Variants in AHCYL2 observed in about 807,000 individuals in gnomAD.
AHCYL2 encodes S-adenosylhomocysteine hydrolase-like protein 2.
AHCYL2 carries 28 observed loss-of-function variants against 81.4 expected under a neutral mutation model. The observed-to-expected ratio is 0.34, with a 90% CI of 0.25 to 0.47. The LOEUF is 0.47. AHCYL2 is among the 20% of genes least tolerant of loss of function. The pLI, the probability that AHCYL2 is intolerant of heterozygous loss-of-function variation, is 1.00. For synonymous variants in AHCYL2, 272 were observed against 290.2 expected (o/e 0.94, Z 0.64); for missense variants, 551 against 785.1 (o/e 0.70, Z 3.56).
chr7:129,241,711 A>G (rs1794861957), intron 1 of AHCYL2, among the ~76,000 whole-genome samples: 1 of 152,206 alleles, frequency 6.6e-6, no homozygotes, highest in African/African-American at 2.4e-5. Context: ...TTTTTTAAAG[A>G]TGTAAAACAT....
intron 2 of AHCYL2, among the ~76,000 whole-genome samples, chr7:129,385,427 G>T (rs17168734): frequency 0.28 from 43,204 of 152,138 alleles, 7,574 homozygotes; most frequent in East Asian, 0.6. Flanking sequence ...GAGAGGTAAA[G>T]CTTAATCAGG....
At chr7:129,403,923 G>A (rs1204295604) in intron 7 of AHCYL2, among the ~76,000 whole-genome samples, 3 of 142,080 alleles carry the variant, frequency 2.1e-5, no homozygotes, top group African/African-American at 5.1e-5. Flanking sequence ...CCACATCTCA[G>A]CTTGCTATGA....
chr7:129,340,980 G>A (rs1793159189), intron 1 of AHCYL2, among the ~76,000 whole-genome samples: 1 of 152,046 alleles, frequency 6.6e-6, no homozygotes, highest in East Asian at 1.9e-4. Flanking sequence ...TTCCTTTGTT[G>A]TACTGCCCTT....
At chr7:129,358,046 GATGA>G (rs1447585223) in intron 1 of AHCYL2, among the ~76,000 whole-genome samples, 2 of 151,992 alleles carry the variant, frequency 1.3e-5, no homozygotes, top group African/African-American at 4.8e-5. Flanking sequence ...CCTATCGACA[GATGA>G]ATGGATAAAC....
At chr7:129,316,385 C>T (rs1428359660) in intron 1 of AHCYL2, among the ~76,000 whole-genome samples, 1 of 152,166 alleles carries the variant, frequency 6.6e-6, no homozygotes, top group African/African-American at 2.4e-5. Context: ...GACTACAGAA[C>T]TTTGTAAGAA....
intron 2 of AHCYL2, chr7:129,388,356 C>T (rs1306544124): frequency 6.6e-6 from 1 of 152,202 alleles, no homozygotes; most frequent in Non-Finnish European, 1.5e-5. Flanking sequence ...GCCTTTCACA[C>T]TCTAGTATAT....
chr7:129,363,415 A>T (rs1488176862), intron 1 of AHCYL2, among the ~76,000 whole-genome samples: 1 of 152,160 alleles, frequency 6.6e-6, no homozygotes, highest in East Asian at 1.9e-4. Context: ...CCATTTCAGA[A>T]TTGTTGCAGA....
At chr7:129,288,559 C>CG (rs1456694031) in intron 1 of AHCYL2, among the ~76,000 whole-genome samples, 2 of 151,010 alleles carry the variant, frequency 1.3e-5, no homozygotes, top group African/African-American at 4.9e-5. Context: ...AGGGTCTCAT[C>CG]ATATTGGCCA....
chr7:129,368,477 C>G lies in AHCYL2; in HGVS notation c.364-11161C>G. Reference sequence around the variant, plus strand: ...CTTTCCCTTTTGCTTCAGGACATATCTTACCCAAGCCTGCACTATGGAGAA... The same window carrying G: ...CTTTCCCTTTTGCTTCAGGACATATGTTACCCAAGCCTGCACTATGGAGAA... On this transcript the variant is annotated intron_variant, in intron 1 of 16. Coordinates refer to ENST00000325006, the MANE Select transcript of AHCYL2 (RefSeq NM_015328.4). This position sits in a 1 kb window ranked among gnomAD's most constrained non-coding sequence, Gnocchi z 4.4. 6.2e-7 allele frequency: 1 copy of G among 1,614,008 alleles called. No individual in the cohort carries two copies.
intron 1 of AHCYL2, among the ~76,000 whole-genome samples, chr7:129,242,975 G>T (rs77370843): frequency 6.9e-6 from 1 of 144,944 alleles, no homozygotes; most frequent in Non-Finnish European, 1.5e-5. Flanking sequence ...CCATTTTTCT[G>T]TTGGGATCCC....
chr7:129,309,675 T>C (rs933548663), intron 1 of AHCYL2, among the ~76,000 whole-genome samples: 1 of 152,258 alleles, frequency 6.6e-6, no homozygotes, highest in Admixed American at 6.5e-5. Context: ...AATTTTACAG[T>C]CTGCCTTCTC....
At chr7:129,349,356 G>A (rs559164397) in intron 1 of AHCYL2, among the ~76,000 whole-genome samples, 16 of 151,650 alleles carry the variant, frequency 1.1e-4, no homozygotes, top group African/African-American at 3.6e-4. Flanking sequence ...ATGTCAGGCC[G>A]GGCATGGTGG....
At chr7:129,226,111 A>G (rs1794206352) in intron 1 of AHCYL2, among the ~76,000 whole-genome samples, 1 of 152,256 alleles carries the variant, frequency 6.6e-6, no homozygotes, top group African/African-American at 2.4e-5. Context: ...CAGGATTATT[A>G]GGCTGTGTAT....
intron 1 of AHCYL2, among the ~76,000 whole-genome samples, chr7:129,296,900 T>C (rs1198411377): frequency 1.3e-5 from 2 of 152,344 alleles, no homozygotes; most frequent in East Asian, 3.9e-4. Context: ...AATACTCAAA[T>C]GGTTTCTGAA....
chr7:129,379,491 A>T, intron 1 of AHCYL2, 147 bp from the exon 2 acceptor site: 1 of 607,162 alleles, frequency 1.6e-6, no homozygotes, highest in Non-Finnish European at 2.9e-6. Context: ...AAGTATTCTT[A>T]TCTTCAAAGG....
intron 1 of AHCYL2, among the ~76,000 whole-genome samples, chr7:129,346,304 A>G (rs957384534): frequency 6.6e-5 from 10 of 152,294 alleles, no homozygotes; most frequent in African/African-American, 2.4e-4. Flanking sequence ...TCAGAGCCTC[A>G]GTTTTTTCAA....
At chr7:129,413,013 AT>A (rs1175426132) in intron 11 of AHCYL2, among the ~76,000 whole-genome samples, 1 of 145,234 alleles carries the variant, frequency 6.9e-6, no homozygotes, top group African/African-American at 2.6e-5. Flanking sequence ...TTATTTTTGT[AT>A]TTTTTTTGTA....
At chr7:129,285,700 T>G (rs1436444159) in intron 1 of AHCYL2, among the ~76,000 whole-genome samples, 1 of 70,580 alleles carries the variant, frequency 1.4e-5, no homozygotes, top group Non-Finnish European at 3.6e-5. Context: ...CTCTCTCTTT[T>G]TTTTTTTTTT....
At chr7:129,374,890 G>A (rs1794601640) in intron 1 of AHCYL2, among the ~76,000 whole-genome samples, 2 of 143,680 alleles carry the variant, frequency 1.4e-5, no homozygotes, top group African/African-American at 5.2e-5. Context: ...AATTAAGGAA[G>A]AATTGACATC....
Sources: allele counts gnomAD v4.1 joint callset (sites outside exome capture counted in the v4.1 genomes callset), GRCh38; gene constraint gnomAD v4.1.1; non-coding constraint Gnocchi (gnomAD v3.1); transcripts MANE v1.5; gene names NCBI Gene and HGNC (gene_info 2026-07-23, HGNC 2026-07-21).